The following ZNF644 variants were observed in gnomAD, a reference collection of about 807,000 sequenced individuals.
ZNF644 encodes zinc finger motif enhancer binding protein 2.
ZNF644 carries 20 observed loss-of-function variants against 108.0 expected under a neutral mutation model. The observed-to-expected ratio is 0.19, with a 90% confidence interval of 0.13 to 0.27. ZNF644 has a LOEUF of 0.27. Ranked by LOEUF, ZNF644 falls within the 10% of genes least tolerant of loss-of-function variation. The probability of loss-of-function intolerance (pLI) is 1.00; values close to 1 mark genes in which losing one functional copy is unlikely to be tolerated. For synonymous variants in ZNF644, 542 were observed against 539.1 expected, an observed-to-expected ratio of 1.01 and a Z score of -0.08; for missense variants, 1,338 against 1,548.9, an observed-to-expected ratio of 0.86 and a Z score of 2.29.
intron 2 of ZNF644, among the ~76,000 whole-genome samples, chr1:90,959,143 A>G (rs1238806973): frequency 6.6e-6 from 1 of 152,228 alleles, no homozygotes; most frequent in African/African-American, 2.4e-5. Context: ...TAAATGACCA[A>G]GCCCATAAAA....
At chr1:90,960,261 C>A (rs557778961) in intron 2 of ZNF644, among the ~76,000 whole-genome samples, 139 of 152,232 alleles carry the variant, frequency 9.1e-4, no homozygotes, top group African/African-American at 3.2e-3. Context: ...AACAAATCTT[C>A]TACTCGCTGA....
chr1:90,983,111 CT>C (rs1164744545), intron 1 of ZNF644, among the ~76,000 whole-genome samples: 1 of 152,122 alleles, frequency 6.6e-6, no homozygotes, highest in African/African-American at 2.4e-5. Context: ...CTGAAACTAG[CT>C]TGTGACTCTT....
At chr1:90,923,731 G>A (rs1468299012) in intron 4 of ZNF644, among the ~76,000 whole-genome samples, 2 of 152,164 alleles carry the variant, frequency 1.3e-5, no homozygotes, top group East Asian at 3.9e-4. Flanking sequence ...ACTAGTTCCT[G>A]CTTGTTTTAA....
At chr1:91,018,852 C>T (rs185504277) in intron 1 of ZNF644, among the ~76,000 whole-genome samples, 1 of 152,288 alleles carries the variant, frequency 6.6e-6, no homozygotes, top group East Asian at 1.9e-4. Context: ...TCAATTCAAC[C>T]AAAACACTCT....
chr1:90,932,131 T>C (rs1022328221), intron 4 of ZNF644, among the ~76,000 whole-genome samples: 1 of 152,174 alleles, frequency 6.6e-6, no homozygotes, highest in Non-Finnish European at 1.5e-5. Flanking sequence ...TCCTTTTCAG[T>C]GTATTCAGGA....
chr1:91,000,173 CT>C (rs1188676039), intron 1 of ZNF644, among the ~76,000 whole-genome samples: 6 of 152,180 alleles, frequency 3.9e-5, no homozygotes, highest in Non-Finnish European at 8.8e-5. Context: ...GAACTCAGCT[CT>C]GCATCAAGCG....
intron 2 of ZNF644, among the ~76,000 whole-genome samples, chr1:90,955,943 G>C (rs1653711954): frequency 1.3e-5 from 2 of 152,088 alleles, no homozygotes; most frequent in African/African-American, 2.4e-5. Context: ...CTTAATTCTA[G>C]GTTTTGATTT....
At chr1:90,924,462 C>T (rs1378458251) in intron 4 of ZNF644, among the ~76,000 whole-genome samples, 4 of 152,002 alleles carry the variant, frequency 2.6e-5, no homozygotes, top group South Asian at 2.1e-4. Flanking sequence ...CTAAAATCTC[C>T]GTATTTCTGA....
intron 4 of ZNF644, 56 bp downstream of exon 4, chr1:90,937,429 G>A: frequency 6.2e-7 from 1 of 1,609,412 alleles, no homozygotes; most frequent in Non-Finnish European, 8.5e-7. Context: ...CATTAAAGAA[G>A]GCATAATTGA....
At chr1:90,958,232 T>TAAAAAAAAAAAAAAACA (rs1653953841) in intron 2 of ZNF644, among the ~76,000 whole-genome samples, 1 of 41,386 alleles carries the variant, frequency 2.4e-5, no homozygotes, top group Non-Finnish European at 4.8e-5. Context: ...GCAAAACTCC[T>TAAAAAAAAAAAAAAACA]AAAAAAAAAA....
At chr1:90,965,943 G>T (rs1399901537) in intron 2 of ZNF644, among the ~76,000 whole-genome samples, 3 of 152,104 alleles carry the variant, frequency 2.0e-5, no homozygotes, top group African/African-American at 4.8e-5. Context: ...TAGAGACGGG[G>T]TTTCATCATG....
chr1:90,947,292 T>TC (rs1233665466), intron 2 of ZNF644, among the ~76,000 whole-genome samples: 1 of 152,122 alleles, frequency 6.6e-6, no homozygotes, highest in Non-Finnish European at 1.5e-5. Flanking sequence ...TCAGCTTACA[T>TC]CGTAATAGAC....
At chr1:90,997,832 TG>T (rs1234363095) in intron 1 of ZNF644, among the ~76,000 whole-genome samples, 3 of 152,170 alleles carry the variant, frequency 2.0e-5, no homozygotes, top group Non-Finnish European at 4.4e-5. Context: ...TCTGGAAAAT[TG>T]GGTCACTCCC....
chr1:90,920,317 CAAATAGAATACATTATAACAACCCTTAA>C (rs1649291333), intron 4 of ZNF644, among the ~76,000 whole-genome samples: 1 of 151,772 alleles, frequency 6.6e-6, no homozygotes, highest in Non-Finnish European at 1.5e-5. Flanking sequence ...CTGTAGGATA[CAAATAGAATACATTATAACAACCCTTAA>C]AAATTTGTTC....
At chr1:91,018,412 T>C (rs1193218224) in intron 1 of ZNF644, among the ~76,000 whole-genome samples, 1 of 152,232 alleles carries the variant, frequency 6.6e-6, no homozygotes, top group African/African-American at 2.4e-5. Context: ...AGACATTCTC[T>C]CTACCAGAAA....
At chr1:90,919,012 A>AT (rs1199144294) in intron 4 of ZNF644, among the ~76,000 whole-genome samples, 1 of 152,094 alleles carries the variant, frequency 6.6e-6, no homozygotes, top group Non-Finnish European at 1.5e-5. Context: ...CCAAAATTTT[A>AT]TGTGAACTGT....
intron 1 of ZNF644, among the ~76,000 whole-genome samples, chr1:91,001,471 A>T (rs183517564): frequency 6.6e-6 from 1 of 152,296 alleles, no homozygotes; most frequent in African/African-American, 2.4e-5. Context: ...AAAGGCCTTC[A>T]ACAAAATTCA....
chr1:90,921,782 T>C (rs2100791128), intron 4 of ZNF644, among the ~76,000 whole-genome samples: 1 of 151,766 alleles, frequency 6.6e-6, no homozygotes, highest in South Asian at 2.1e-4. Flanking sequence ...GATATTTGTC[T>C]TGGTCAAATA....
intron 2 of ZNF644, among the ~76,000 whole-genome samples, chr1:90,965,667 C>A (rs1557606859): frequency 6.6e-6 from 1 of 151,990 alleles, no homozygotes; most frequent in Non-Finnish European, 1.5e-5. Context: ...ATGTTATCAG[C>A]AAAAAAGGAC....
Sources: gnomAD v4.1 joint callset for allele counts (sites outside exome capture counted in the v4.1 genomes callset) on GRCh38, gnomAD v4.1.1 for gene constraint, MANE v1.5 for transcripts, NCBI Gene and HGNC (gene_info 2026-07-23, HGNC 2026-07-21) for gene names.